USP35: variants seen among roughly 807,000 people sequenced by gnomAD.
USP35 encodes the protein ubiquitin carboxyl-terminal hydrolase 35.
In USP35, 69 loss-of-function variants were observed where a neutral mutation model predicts 83.8. The observed-to-expected ratio is 0.82, with a 90% confidence interval of 0.68 to 1.01. The LOEUF is 1.01. Ranked by LOEUF, USP35 falls within the 50% of genes least tolerant of loss-of-function variation. The pLI is 0.00. For synonymous variants in USP35, 714 were observed against 589.5 expected, an observed-to-expected ratio of 1.21 and a Z score of -3.06; for missense variants, 1,503 against 1,362.5, an observed-to-expected ratio of 1.10 and a Z score of -1.62.
At chr11:78,190,599 A>T (rs1192924323) in intron 1 of USP35, among the ~76,000 whole-genome samples, 1 of 152,184 alleles carries the variant, frequency 6.6e-6, no homozygotes, top group Non-Finnish European at 1.5e-5. Flanking sequence ...GACCTCTGCC[A>T]AGGGAGGTCC....
In USP35 at chr11:78,210,755, C is replaced by T. The variant is rs755755022; in HGVS notation, c.2889+11C>T. On this transcript the variant is annotated intron_variant, in intron 10 of 10. Coordinates refer to ENST00000529308, the MANE Select transcript of USP35 (RefSeq NM_020798.4). ...ATCCTTTACCTACAGGTGAGCTGAG[C>T]CGTGGGGCCTTTGATCTGATCTCTT... 1.1e-5 allele frequency: 17 copies of T among 1,522,740 alleles called. No individual in the cohort carries two copies. Among genetic ancestry groups the T allele is most frequent in the Admixed American group, 2.1e-5 (1 of 47,924 alleles). 94.3% of individuals were successfully genotyped at this position (1,522,740 alleles called of 1,614,324 possible). A position where few individuals can be genotyped will look rare whatever the true frequency, so the allele number is the denominator to read the frequency against.
At chr11:78,194,144 AGTGAACTCTTAAG>A (rs1226551410) in intron 1 of USP35, among the ~76,000 whole-genome samples, 1 of 87,794 alleles carries the variant, frequency 1.1e-5, no homozygotes, top group Non-Finnish European at 2.9e-5. Context: ...TCTAACCAAC[AGTGAACTCTTAAG>A]AGGCACACAC....
chr11:78,219,212 G>A (rs1864294655), downstream of USP35: 1 of 1,512,568 alleles, frequency 6.6e-7, no homozygotes, highest in Admixed American at 1.7e-5. Context: ...AGGGGAGAGG[G>A]GAGATGGGAA....
intron 6 of USP35, 49 bp from the exon 7 acceptor site, chr11:78,205,793 G>A: frequency 6.4e-7 from 1 of 1,560,822 alleles, no homozygotes; most frequent in Non-Finnish European, 8.7e-7. Context: ...AGTTTTTTGA[G>A]CTGACCCTGG....
the USP35 span, among the ~76,000 whole-genome samples, chr11:78,235,945 T>A: frequency 6.6e-6 from 1 of 152,234 alleles, no homozygotes; most frequent in Non-Finnish European, 1.5e-5. Flanking sequence ...ACCAATTAAC[T>A]GTATTAGTCC....
intron 1 of USP35, among the ~76,000 whole-genome samples, chr11:78,195,119 C>T (rs561030119): frequency 7.6e-4 from 116 of 152,182 alleles, no homozygotes; most frequent in South Asian, 1.5e-3. Flanking sequence ...GGCTGGAGCG[C>T]GGAGATGAGA....
intron 5 of USP35, 94 bp from the exon 6 acceptor site, chr11:78,200,556 C>T: frequency 7.9e-6 from 12 of 1,510,790 alleles, no homozygotes; most frequent in Non-Finnish European, 1.1e-5. Flanking sequence ...GCCTCCCTAC[C>T]TCAGAGAGTG....
chr11:78,215,207 C>G lies in USP35; in HGVS notation c.*1394C>G, dbSNP rs1159397885. ...AGCCAAGAAAAATACCCAATTATTTCCAAATAAAGCAAAAATTGGAACAGA... is the reference window on the plus strand; with the variant it reads ...AGCCAAGAAAAATACCCAATTATTTGCAAATAAAGCAAAAATTGGAACAGA... On this transcript the variant is annotated 3_prime_UTR_variant, in exon 11 of 11. Transcript: ENST00000529308. 1 of 152,430 alleles carries G rather than the reference C, an allele frequency of 6.6e-6. No homozygotes were observed. The highest frequency in any genetic ancestry group is 1.5e-5 in the Non-Finnish European group (1 of 68,008). 9.4% of individuals were successfully genotyped at this position (152,430 alleles called of 1,614,324 possible). A position where few individuals can be genotyped will look rare whatever the true frequency, so the allele number is the denominator to read the frequency against.
intron 6 of USP35, among the ~76,000 whole-genome samples, chr11:78,202,705 A>G (rs1463030969): frequency 6.6e-6 from 1 of 152,222 alleles, no homozygotes; most frequent in African/African-American, 2.4e-5. Context: ...AAGCTGCCTT[A>G]CAATGGAAGG....
chr11:78,195,338 G>A (rs929478510), intron 1 of USP35, among the ~76,000 whole-genome samples: 3 of 152,186 alleles, frequency 2.0e-5, no homozygotes, highest in African/African-American at 2.4e-5. Flanking sequence ...AGAGCATGGT[G>A]GTCGTGGGGG....
chr11:78,210,182 C>T lies in USP35; in HGVS notation c.2327C>T (p.Ala776Val). The T allele has an allele frequency of 6.2e-7, 1 of 1,613,954 alleles. No homozygotes were observed. The highest frequency in any genetic ancestry group is 8.5e-7 in the Non-Finnish European group (1 of 1,179,994). Residue 776 changes from alanine to valine, a missense_variant, in exon 10 of 11, where the codon GCA (alanine) becomes GTA (valine). Transcript: ENST00000529308. ...TTCCTGTCCCCCGAGAAGCTGACAGCAGAAAACCGCTACTACTGCGAGTCG... is the reference window on the plus strand; with the variant it reads ...TTCCTGTCCCCCGAGAAGCTGACAGTAGAAAACCGCTACTACTGCGAGTCG... ...NYFLSPEKLT[A>V]ENRYYCESCA...
chr11:78,209,432 G>C lies in USP35; in HGVS notation c.1593-16G>C. 1 of 1,579,950 alleles carries C rather than the reference G, an allele frequency of 6.3e-7. No individual in the cohort carries two copies. The highest frequency in any genetic ancestry group is 8.6e-7 in the Non-Finnish European group (1 of 1,161,668). On this transcript the variant is annotated splice_polypyrimidine_tract_variant and intron_variant, in intron 9 of 10. Transcript: ENST00000529308. ...ACCCGCATGTACATGTAGTGACTCTGTGCTCTCTGCCCCAGGCTGCACGAA... is the reference window on the plus strand; with the variant it reads ...ACCCGCATGTACATGTAGTGACTCTCTGCTCTCTGCCCCAGGCTGCACGAA...
the USP35 span, among the ~76,000 whole-genome samples, chr11:78,236,710 CTATT>C: frequency 6.6e-6 from 1 of 151,912 alleles, no homozygotes; most frequent in Non-Finnish European, 1.5e-5. Context: ...TCCTCTGCAT[CTATT>C]GAGGTTATGA....
the USP35 span, among the ~76,000 whole-genome samples, chr11:78,221,325 G>A: frequency 3.9e-5 from 6 of 152,282 alleles, no homozygotes; most frequent in Admixed American, 6.5e-5. Flanking sequence ...TTATGTGCAC[G>A]TATGCCTCTC....
In USP35 at chr11:78,210,358, C is replaced by T. The variant is rs1565403540; in HGVS notation, c.2503C>T (p.Leu835=). ...CGTCTCCATCCCCCTGCTGCTCCGC[C>T]TGCCACTGGCTGGTGGCCGTGGCCA... ...DDVSIPLLLR[L]PLAGGRGQAY... Residue 835 remains leucine, a synonymous_variant, in exon 10 of 11, where the codon CTG becomes TTG. Transcript: ENST00000529308. 1 of 1,613,606 alleles carries T rather than the reference C, an allele frequency of 6.2e-7. No individual in the cohort carries two copies. The highest frequency in any genetic ancestry group is 2.2e-5 in the East Asian group (1 of 44,890).
the USP35 span, among the ~76,000 whole-genome samples, chr11:78,235,131 T>C: frequency 3.3e-5 from 5 of 152,216 alleles, no homozygotes; most frequent in South Asian, 1.0e-3. Flanking sequence ...TACAGCCGGT[T>C]TGATTTTCTC....
chr11:78,232,609 G>C, the USP35 span, among the ~76,000 whole-genome samples: 1 of 152,182 alleles, frequency 6.6e-6, no homozygotes, highest in East Asian at 1.9e-4. Context: ...ATTTTAGCAA[G>C]AATACATATT....
intron 7 of USP35, chr11:78,207,275 G>C (rs1863556309): frequency 2.5e-6 from 1 of 405,510 alleles, no homozygotes; most frequent in Admixed American, 4.1e-5. Context: ...CTCAGAGCTG[G>C]AAGGGGCTAC....
chr11:78,220,325 G>A, the USP35 span: 2 of 1,612,488 alleles, frequency 1.2e-6, no homozygotes, highest in Non-Finnish European at 1.7e-6. Context: ...GCACCTTGCG[G>A]TGGGGGCTTG....
Sources: allele counts gnomAD v4.1 joint callset (sites outside exome capture counted in the v4.1 genomes callset), GRCh38; gene constraint gnomAD v4.1.1; transcripts MANE v1.5; gene names NCBI Gene and HGNC (gene_info 2026-07-23, HGNC 2026-07-21).